Variants in FBXL17 observed in about 807,000 individuals in gnomAD.
FBXL17 encodes the protein F-box/LRR-repeat protein 17.
A neutral mutation model predicts 66.2 loss-of-function variants in FBXL17; 22 were observed. The observed-to-expected ratio is 0.33, with a 90% CI of 0.24 to 0.47. FBXL17 has a LOEUF of 0.47. Among genes scored for constraint, FBXL17 ranks in the 20% least tolerant of loss-of-function variants. The pLI is 1.00. For synonymous variants in FBXL17, 474 were observed against 400.5 expected, an observed-to-expected ratio of 1.18 and a Z score of -2.19; for missense variants, 878 against 948.2, an observed-to-expected ratio of 0.93 and a Z score of 0.97.
At chr5:108,140,398 T>A (rs1204329094) in intron 6 of FBXL17, among the ~76,000 whole-genome samples, 1 of 152,150 alleles carries the variant, frequency 6.6e-6, no homozygotes, top group Admixed American at 6.6e-5. Flanking sequence ...ATCCTCCTAA[T>A]GCTAAATGCA....
At chr5:108,161,826 G>C (rs1006242531) in intron 6 of FBXL17, among the ~76,000 whole-genome samples, 1 of 152,194 alleles carries the variant, frequency 6.6e-6, no homozygotes, top group Non-Finnish European at 1.5e-5. Context: ...ATCAGCAAGA[G>C]CAATGATCTT....
intron 6 of FBXL17, among the ~76,000 whole-genome samples, chr5:108,042,315 T>C (rs1268894676): frequency 6.6e-6 from 1 of 152,192 alleles, no homozygotes; most frequent in East Asian, 1.9e-4. Context: ...TATAGTAGAA[T>C]ATCACAAGCA....
At chr5:107,938,147 A>G (rs1465158528) in intron 7 of FBXL17, among the ~76,000 whole-genome samples, 1 of 152,146 alleles carries the variant, frequency 6.6e-6, no homozygotes, top group Non-Finnish European at 1.5e-5. Flanking sequence ...TGGATCATGC[A>G]AGCCTGCTGA....
At chr5:107,878,170 T>A (rs199972521) in intron 8 of FBXL17, 87 of 442,898 alleles carry the variant, frequency 2.0e-4, no homozygotes, top group Middle Eastern at 1.8e-3. Context: ...GTATAAAAAA[T>A]AATCTTAATT....
chr5:108,366,153 A>G (rs1162179478), intron 2 of FBXL17, among the ~76,000 whole-genome samples: 7 of 152,136 alleles, frequency 4.6e-5, no homozygotes, highest in African/African-American at 2.4e-5. Flanking sequence ...ACCATTTTGC[A>G]TATCAGAACA....
chr5:107,946,729 GA>G (rs549645461), intron 7 of FBXL17, among the ~76,000 whole-genome samples: 2 of 151,860 alleles, frequency 1.3e-5, no homozygotes, highest in Non-Finnish European at 2.9e-5. Context: ...ATTATCAAAT[GA>G]AAACAGTAAT....
intron 6 of FBXL17, among the ~76,000 whole-genome samples, chr5:108,165,718 C>T (rs1055254128): frequency 1.1e-4 from 17 of 152,124 alleles, no homozygotes; most frequent in East Asian, 1.9e-4. Flanking sequence ...TTGTCCTGCT[C>T]GGGAGTTCTT....
At chr5:107,966,643 C>G (rs1201662823) in intron 7 of FBXL17, among the ~76,000 whole-genome samples, 1 of 152,144 alleles carries the variant, frequency 6.6e-6, no homozygotes, top group Non-Finnish European at 1.5e-5. Context: ...ACTTCTCTCA[C>G]TAAATCCTTA....
chr5:108,036,268 T>C (rs2112794148), intron 6 of FBXL17, among the ~76,000 whole-genome samples: 1 of 152,190 alleles, frequency 6.6e-6, no homozygotes, highest in South Asian at 2.1e-4. Flanking sequence ...GACATATTTA[T>C]TACAAAGATG....
chr5:108,082,748 G>A (rs901861721), intron 6 of FBXL17, among the ~76,000 whole-genome samples: 1 of 152,026 alleles, frequency 6.6e-6, no homozygotes, highest in Non-Finnish European at 1.5e-5. Context: ...TTATTGTTTT[G>A]TTTCCAGTCC....
chr5:108,367,755 G>T, intron 2 of FBXL17, 76 bp downstream of exon 2: 1 of 1,282,348 alleles, frequency 7.8e-7, no homozygotes, highest in Non-Finnish European at 1.1e-6. Flanking sequence ...CAAGAAGACA[G>T]TAAAGATTTC....
At chr5:108,240,603 CT>C (rs1392000378) in intron 4 of FBXL17, among the ~76,000 whole-genome samples, 1 of 152,170 alleles carries the variant, frequency 6.6e-6, no homozygotes, top group Admixed American at 6.5e-5. Context: ...CAGATGTCAT[CT>C]CTGGATGTGC....
In FBXL17 at chr5:107,859,561, C is replaced by G. The variant is rs1054248; in HGVS notation, c.*2159G>C. ...AGTGCAAGTCCCCACCCCACCCCCA[C>G]CCCCCCAAGCTAAAGCATGTTATAG... On this transcript the variant is annotated 3_prime_UTR_variant, in exon 9 of 9. Coordinates refer to ENST00000542267, the MANE Select transcript of FBXL17 (RefSeq NM_001163315.3). 6.9e-6 allele frequency: 1 copy of G among 145,696 alleles called. No individual in the cohort carries two copies. The highest frequency in any genetic ancestry group is 1.5e-5 in the Non-Finnish European group (1 of 66,470). 9.0% of individuals were successfully genotyped at this position (145,696 alleles called of 1,614,324 possible). A position where few individuals can be genotyped will look rare whatever the true frequency, so the allele number is the denominator to read the frequency against.
chr5:107,898,332 T>C (rs534888174), intron 7 of FBXL17, among the ~76,000 whole-genome samples: 5 of 152,042 alleles, frequency 3.3e-5, no homozygotes, highest in Non-Finnish European at 7.4e-5. Context: ...TGCCTCCTCT[T>C]ACCTGTACTC....
In FBXL17 at chr5:108,106,204, G is replaced by A. The variant is rs1481826531; in HGVS notation, c.1745+79913C>T. Among the ~76,000 whole-genome samples, 13 of 152,284 alleles carry A rather than the reference G, an allele frequency of 8.5e-5. No homozygotes were observed. In the East Asian group the frequency reaches 2.3e-3, roughly 27 times the overall value. On this transcript the variant is annotated intron_variant, in intron 6 of 8. Coordinates refer to ENST00000542267, the MANE Select transcript of FBXL17 (RefSeq NM_001163315.3). ...CATGTAGAACAAGCAAGCAGGACAG[G>A]TTTCTAGTTCCTCTAAATGTGAACA...
intron 7 of FBXL17, among the ~76,000 whole-genome samples, chr5:107,937,694 G>A (rs141266764): frequency 3.9e-5 from 6 of 152,194 alleles, no homozygotes; most frequent in African/African-American, 7.2e-5. Flanking sequence ...ATTTCTGGGC[G>A]AATGGTAGGT....
intron 7 of FBXL17, among the ~76,000 whole-genome samples, chr5:107,991,288 G>A (rs1452762471): frequency 6.6e-6 from 1 of 152,186 alleles, no homozygotes; most frequent in Non-Finnish European, 1.5e-5. Flanking sequence ...GAATGCAGCA[G>A]CACCCTCATG....
intron 6 of FBXL17, among the ~76,000 whole-genome samples, chr5:108,130,739 C>T (rs572843551): frequency 6.6e-6 from 1 of 152,082 alleles, no homozygotes; most frequent in South Asian, 2.1e-4. Flanking sequence ...TGTGTTCTAA[C>T]TGCATAAGAT....
At chr5:108,035,038 C>A (rs1001738403) in intron 6 of FBXL17, among the ~76,000 whole-genome samples, 4 of 152,032 alleles carry the variant, frequency 2.6e-5, no homozygotes, top group African/African-American at 9.7e-5. Flanking sequence ...TGATCTAATA[C>A]AGAAAGCCAT....
Sources: gnomAD v4.1 joint callset for allele counts (sites outside exome capture counted in the v4.1 genomes callset) on GRCh38, gnomAD v4.1.1 for gene constraint, MANE v1.5 for transcripts, NCBI Gene and HGNC (gene_info 2026-07-23, HGNC 2026-07-21) for gene names.